The following TANC2 variants were observed in gnomAD, a reference collection of about 807,000 sequenced individuals.
TANC2 encodes tetratricopeptide repeat, ankyrin repeat and coiled-coil containing 2, also known as protein TANC2.
TANC2 carries 26 observed loss-of-function variants against 210.5 expected under a neutral mutation model. That is an observed-to-expected ratio of 0.12 (90% CI 0.09 to 0.17). TANC2 has a LOEUF of 0.17. TANC2 is among the 10% of genes least tolerant of loss of function. The pLI is 1.00. For missense variants in TANC2, 2,129 were observed against 2,608.9 expected (o/e 0.82, Z 4.01); for synonymous variants, 931 against 967.1 (o/e 0.96, Z 0.69).
chr17:63,397,679 A>G (rs1039600051), intron 18 of TANC2, among the ~76,000 whole-genome samples: 1 of 152,226 alleles, frequency 6.6e-6, no homozygotes, highest in Admixed American at 6.5e-5. Flanking sequence ...GAAGCATAGT[A>G]GCATGTTGTG....
At chr17:63,275,787 G>T (rs1224476673) in intron 9 of TANC2, among the ~76,000 whole-genome samples, 2 of 152,090 alleles carry the variant, frequency 1.3e-5, no homozygotes, top group Non-Finnish European at 2.9e-5. Context: ...GTATGAGGTT[G>T]TTCCCCTCAC....
At position 63,419,898 on chromosome 17, in the gene TANC2, G is replaced by A. The variant is rs549153700; in HGVS notation, c.4269-101G>A. On this transcript the variant is annotated intron_variant, in intron 27 of 27. Transcript: ENST00000689528. The stretch of plus-strand genomic sequence containing the variant: ...CGAAATACCCCAGACTCCCACAGAC[G>A]CCACCACAGCTCTCTGAGATAGTGA... The A allele has an allele frequency of 3.3e-5, 45 of 1,356,544 alleles. No individual in the cohort carries two copies. In the South Asian group the frequency reaches 6.1e-4, roughly 18 times the overall value. The allele number at this position is 1,356,544 out of a possible 1,614,324, so 84.0% of individuals were successfully genotyped here.
rs79042245 is a variant in TANC2, at chr17:63,057,082, C to T, written c.68-16861C>T. ...GTCTGAAGTGATCCTCCAGCCTCAG[C>T]ATCTTGAGTAGCTGGGACTACAGGT... On this transcript the variant is annotated intron_variant, in intron 2 of 27. Transcript: ENST00000689528. Among the ~76,000 whole-genome samples, 556 of 152,074 alleles carry T rather than the reference C, an allele frequency of 3.7e-3. 7 individuals are homozygous for T. Among genetic ancestry groups the T allele is most frequent in the African/African-American group, 0.013 (545 of 41,482 alleles).
intron 7 of TANC2, among the ~76,000 whole-genome samples, chr17:63,234,034 G>A (rs2042552017): frequency 6.6e-6 from 1 of 152,214 alleles, no homozygotes; most frequent in Non-Finnish European, 1.5e-5. Flanking sequence ...ATGACTGGGA[G>A]TTGGGTAGGT....
At chr17:63,323,161 T>A (rs2045548212) in intron 11 of TANC2, among the ~76,000 whole-genome samples, 1 of 152,228 alleles carries the variant, frequency 6.6e-6, no homozygotes, top group South Asian at 2.1e-4. Context: ...TAAATAGGAT[T>A]TTCAAATTAG....
intron 1 of TANC2, among the ~76,000 whole-genome samples, chr17:62,981,158 G>A (rs1431922294): frequency 2.0e-5 from 3 of 152,108 alleles, no homozygotes; most frequent in Non-Finnish European, 2.9e-5. Flanking sequence ...CGTTCCCATT[G>A]CTTAGATGAT....
At chr17:63,144,886 G>GT (rs761146040) in intron 4 of TANC2, among the ~76,000 whole-genome samples, 31 of 151,506 alleles carry the variant, frequency 2.0e-4, no homozygotes, top group Non-Finnish European at 4.0e-4. Context: ...TTTTATTTTT[G>GT]TTTTTTTCTT....
At chr17:63,030,489 C>T (rs542572172) in intron 2 of TANC2, among the ~76,000 whole-genome samples, 3 of 152,048 alleles carry the variant, frequency 2.0e-5, no homozygotes, top group Non-Finnish European at 4.4e-5. Context: ...CTTTTACATC[C>T]ACACACAGCA....
intron 4 of TANC2, among the ~76,000 whole-genome samples, chr17:63,132,418 C>T (rs2038950913): frequency 6.6e-6 from 1 of 152,120 alleles, no homozygotes; most frequent in Non-Finnish European, 1.5e-5. Flanking sequence ...TACCATACAA[C>T]CAAGAAGAGT....
At chr17:63,111,937 G>T (rs1365232928) in intron 4 of TANC2, among the ~76,000 whole-genome samples, 1 of 152,072 alleles carries the variant, frequency 6.6e-6, no homozygotes, top group African/African-American at 2.4e-5. Context: ...TGTTGGCCAG[G>T]ATGGTCTCGA....
intron 4 of TANC2, among the ~76,000 whole-genome samples, chr17:63,141,190 T>C (rs1354853202): frequency 6.6e-6 from 1 of 151,926 alleles, no homozygotes; most frequent in East Asian, 1.9e-4. Flanking sequence ...ACAGGATTAA[T>C]GTATTTTACA....
At position 63,154,594 on chromosome 17, in the gene TANC2, T is replaced by C. The variant is rs554474692; in HGVS notation, c.433+3214T>C. 2.6e-5 allele frequency: 4 copies of C among 152,210 alleles called. No individual in the cohort carries two copies. In the South Asian group the frequency reaches 6.2e-4, roughly 24 times the overall value. The allele number at this position is 152,210 out of a possible 1,614,324, so 9.4% of individuals were successfully genotyped here. ...CTACCTGTTTCTTCATCTGTAAAAA[T>C]AGAGATGATAATTTTAAATCAGTTT... On this transcript the variant is annotated intron_variant, in intron 5 of 27. Transcript: ENST00000689528.
intron 5 of TANC2, among the ~76,000 whole-genome samples, chr17:63,189,303 C>T (rs1253588573): frequency 6.6e-6 from 1 of 152,154 alleles, no homozygotes; most frequent in African/African-American, 2.4e-5. Context: ...TGCTGAGTCA[C>T]ATGGTAACTC....
intron 18 of TANC2, 80 bp from the exon 19 acceptor site, chr17:63,398,741 C>A: frequency 2.2e-6 from 2 of 902,362 alleles, no homozygotes; most frequent in Non-Finnish European, 3.5e-6. Flanking sequence ...ATCATCCAAG[C>A]ATCTTCCAAA....
chr17:63,334,979 CTT>C (rs759468735), intron 11 of TANC2, among the ~76,000 whole-genome samples: 3 of 152,146 alleles, frequency 2.0e-5, no homozygotes, highest in Non-Finnish European at 4.4e-5. Context: ...GTGCTACACA[CTT>C]TTAAATGACC....
intron 5 of TANC2, among the ~76,000 whole-genome samples, chr17:63,161,018 T>A (rs939673147): frequency 6.6e-6 from 1 of 152,186 alleles, no homozygotes; most frequent in South Asian, 2.1e-4. Flanking sequence ...CTGAAAAGGA[T>A]GTAGAGGAGT....
At chr17:63,388,396 AAG>A (rs1255724712) in intron 15 of TANC2, among the ~76,000 whole-genome samples, 1 of 152,154 alleles carries the variant, frequency 6.6e-6, no homozygotes, top group Non-Finnish European at 1.5e-5. Context: ...CCAGATAGAA[AAG>A]AGAGGTGTTG....
chr17:63,061,327 A>T (rs964242488), intron 2 of TANC2, among the ~76,000 whole-genome samples: 2 of 151,670 alleles, frequency 1.3e-5, no homozygotes, highest in African/African-American at 2.4e-5. Context: ...AGATCACGCC[A>T]TTGCTCTCCA....
At chr17:63,020,156 C>T (rs1011801203) in intron 2 of TANC2, among the ~76,000 whole-genome samples, 2 of 152,228 alleles carry the variant, frequency 1.3e-5, no homozygotes, top group South Asian at 2.1e-4. Flanking sequence ...TTGAACTCCT[C>T]ACCTCAGGTG....
Sources: allele counts gnomAD v4.1 joint callset (sites outside exome capture counted in the v4.1 genomes callset), GRCh38; gene constraint gnomAD v4.1.1; transcripts MANE v1.5; gene names NCBI Gene and HGNC (gene_info 2026-07-23, HGNC 2026-07-21).